The following HID1 variants were observed in gnomAD, a reference collection of about 807,000 sequenced individuals.
HID1 encodes the protein protein HID1.
HID1 carries 42 observed loss-of-function variants against 89.7 expected under a neutral mutation model. The observed-to-expected ratio is 0.47, with a 90% confidence interval of 0.37 to 0.61. HID1 has a LOEUF of 0.61. Among genes scored for constraint, HID1 ranks in the 20% least tolerant of loss-of-function variants. HID1 has a pLI of 0.00. For missense variants in HID1, 854 were observed against 1,039.3 expected, an observed-to-expected ratio of 0.82 and a Z score of 2.45; for synonymous variants, 442 against 433.8, an observed-to-expected ratio of 1.02 and a Z score of -0.24.
At chr17:74,968,469 ACACCCC>A (rs1037045827) in intron 1 of HID1, among the ~76,000 whole-genome samples, 2 of 149,428 alleles carry the variant, frequency 1.3e-5, no homozygotes, top group Non-Finnish European at 3.0e-5. Flanking sequence ...CCCAGAGCAA[ACACCCC>A]CACCCCACCC....
chr17:74,956,795 C>T lies in HID1; in HGVS notation c.1472-839G>A, dbSNP rs540970433. 6.6e-5 allele frequency among the ~76,000 whole-genome samples: 10 copies of T among 152,348 alleles called. No homozygotes were observed. In the East Asian group the frequency reaches 1.9e-3, roughly 29 times the overall value. On this transcript the variant is annotated intron_variant, in intron 12 of 18. Coordinates refer to ENST00000425042, the MANE Select transcript of HID1 (RefSeq NM_030630.3). ...CCATGGCCACCTGCCTTGCTAGGTC[C>T]TGAACCCCAGGGAGCCTGGCTCCTT... is the stretch of plus-strand genomic sequence containing the variant.
chr17:74,963,791 G>T lies in HID1; in HGVS notation c.336C>A (p.Pro112=), dbSNP rs377414295. ...TGGACCAGAAGAAGCCCCTCCAGTC[G>T]GGGTCCTCAAAGATGTAGGGCAGCA... ...TRVLPYIFED[P]DWRGFFWSTV... is the part of the protein sequence containing the mutation. Residue 112 remains proline (P), a synonymous_variant, in exon 3 of 19, where the codon CCC becomes CCA. Coordinates refer to ENST00000425042, the MANE Select transcript of HID1 (RefSeq NM_030630.3). The T allele has an allele frequency of 1.2e-4, 200 of 1,613,854 alleles. No individual in the cohort carries two copies. The highest frequency in any genetic ancestry group is 1.7e-4 in the Non-Finnish European group (196 of 1,179,962).
At chr17:74,970,564 T>C (rs1291115265) in intron 1 of HID1, 2 of 152,174 alleles carry the variant, frequency 1.3e-5, no homozygotes, top group African/African-American at 4.8e-5. Flanking sequence ...GGCTGGCTCT[T>C]AGGACCAGGG....
chr17:74,958,562 C>T lies in HID1; in HGVS notation c.1241-84G>A, dbSNP rs988110678. 17 of 1,583,128 alleles carry T rather than the reference C, an allele frequency of 1.1e-5. 1 individual carries two copies. In the African/African-American group the frequency reaches 2.2e-4, roughly 20 times the overall value. ...CAGTGACCATTTTGGAGGCCTCCCT[C>T]CTAGGAGGTCAGAGTGCCAGGCCTG... On this transcript the variant is annotated intron_variant, in intron 10 of 18. Coordinates refer to ENST00000425042, the MANE Select transcript of HID1 (RefSeq NM_030630.3). This position sits in a 1 kb window ranked among gnomAD's most constrained non-coding sequence, Gnocchi z 5.2.
At position 74,958,304 on chromosome 17, in the gene HID1, C is replaced by T; in HGVS notation, c.1392+23G>A. 1 of 1,611,348 alleles carries T rather than the reference C, an allele frequency of 6.2e-7. No homozygotes were observed. Among genetic ancestry groups the T allele is most frequent in the Non-Finnish European group, 8.5e-7 (1 of 1,178,906 alleles). On this transcript the variant is annotated intron_variant, in intron 11 of 18. Transcript: ENST00000425042. This position sits in a 1 kb window ranked among gnomAD's most constrained non-coding sequence, Gnocchi z 5.2. ...GGACACCACCCCTGCACCTCCTGGG[C>T]CCGGCCGCACGAGCCCCCTCACCAC...
At position 74,958,853 on chromosome 17, in the gene HID1, C is replaced by G; in HGVS notation, c.1149+58G>C. 1 of 1,581,686 alleles carries G rather than the reference C, an allele frequency of 6.3e-7. No individual in the cohort carries two copies. The highest frequency in any genetic ancestry group is 8.6e-7 in the Non-Finnish European group (1 of 1,162,774). On this transcript the variant is annotated intron_variant, in intron 9 of 18. Transcript: ENST00000425042. The surrounding 1 kb of genome is among the most constrained non-coding windows in gnomAD (Gnocchi z 5.2). Reference sequence around the variant, plus strand: ...CTCAGTCTGACACTGTCCCTGCCCCCGGGTTATTGGGGCAGCTGCTCTCCA... The same window carrying G: ...CTCAGTCTGACACTGTCCCTGCCCCGGGGTTATTGGGGCAGCTGCTCTCCA...
chr17:74,954,647 C>A lies in HID1; in HGVS notation c.1637-282G>T. The A allele has an allele frequency of 1.2e-5, 6 of 516,460 alleles. No homozygotes were observed. The South Asian group carries it at 1.3e-4, about 11-fold the overall frequency. The allele number at this position is 516,460 out of a possible 1,614,324, so 32.0% of individuals were successfully genotyped here. On this transcript the variant is annotated intron_variant, in intron 13 of 18. Coordinates refer to ENST00000425042, the MANE Select transcript of HID1 (RefSeq NM_030630.3). ...ACAACCCAGCACTAAACAGCTAACA[C>A]CTGGCAAAAAGTACAGGCCCCAGCA...
rs758989034 is a variant in HID1, at chr17:74,958,707, G to A, written c.1206C>T (p.Ile402=). ...SSDVLDILVP[I]LFFLNDARAD... ...CCCGGGCATCGTTGAGGAAGAAGAG[G>A]ATGGGGACAAGGATGTCTAGGACGT... Residue 402 remains isoleucine (I), a synonymous_variant, in exon 10 of 19, where the codon ATC becomes ATT. Transcript: ENST00000425042. This position sits in a 1 kb window ranked among gnomAD's most constrained non-coding sequence, Gnocchi z 5.2. 2 of 1,612,970 alleles carry A rather than the reference G, an allele frequency of 1.2e-6. No homozygotes were observed. The highest frequency in any genetic ancestry group is 2.2e-5 in the South Asian group (2 of 91,002).
Position 74,966,443 on chromosome 17 carries a change from T to C in HID1, c.67-1811A>G, listed in dbSNP as rs140006563. ...ATGTTCATCTGTTAAGGGACCAGAG[T>C]GTCCAAGGCACGCGCACCTCCTCGG... On this transcript the variant is annotated intron_variant, in intron 1 of 18. Coordinates refer to ENST00000425042, the MANE Select transcript of HID1 (RefSeq NM_030630.3). 9.2e-5 allele frequency among the ~76,000 whole-genome samples: 14 copies of C among 152,046 alleles called. 1 individual carries two copies. The East Asian group carries it at 2.7e-3, about 29-fold the overall frequency.
rs2039665146 is a variant in HID1 at position 74,972,523 on chromosome 17, G to A, written c.66+68C>T. ...CCATCTCCCGACGAGCCAAGTTCGC[G>A]TACCCCCGGCCCTGCCCAGCCCCCA... On this transcript the variant is annotated intron_variant, in intron 1 of 18. Coordinates refer to ENST00000425042, the MANE Select transcript of HID1 (RefSeq NM_030630.3). This position sits in a 1 kb window ranked among gnomAD's most constrained non-coding sequence, Gnocchi z 6.4. The A allele has an allele frequency of 2.8e-6, 4 of 1,420,070 alleles. No homozygotes were observed. The highest frequency in any genetic ancestry group is 1.5e-5 in the African/African-American group (1 of 68,924). 88.0% of individuals were successfully genotyped at this position (1,420,070 alleles called of 1,614,324 possible). A position where few individuals can be genotyped will look rare whatever the true frequency, so the allele number is the denominator to read the frequency against.
chr17:74,958,101 C>A lies in HID1; in HGVS notation c.1471+40G>T. The A allele has an allele frequency of 6.4e-7, 1 of 1,557,776 alleles. No homozygotes were observed. The highest frequency in any genetic ancestry group is 2.4e-5 in the East Asian group (1 of 42,056). On this transcript the variant is annotated intron_variant, in intron 12 of 18. Transcript: ENST00000425042. This position sits in a 1 kb window ranked among gnomAD's most constrained non-coding sequence, Gnocchi z 5.2. ...AGGTTGGCCTGTGGCCTGACACCACCTGGTGGTGAGCGCGGGGAGTGCAAG... is the reference window on the plus strand; with the variant it reads ...AGGTTGGCCTGTGGCCTGACACCACATGGTGGTGAGCGCGGGGAGTGCAAG...
intron 13 of HID1, among the ~76,000 whole-genome samples, chr17:74,955,314 G>T (rs2039372263): frequency 6.6e-6 from 1 of 152,156 alleles, no homozygotes; most frequent in African/African-American, 2.4e-5. Context: ...GGAGGCCGAG[G>T]CAGGCAGATT....
At chr17:74,963,278 G>A in intron 3 of HID1, 197 bp from the exon 4 acceptor site, 1 of 553,626 alleles carries the variant, frequency 1.8e-6, no homozygotes, top group Non-Finnish European at 3.2e-6. Flanking sequence ...AGCCGGGCCG[G>A]GAACAGCGAG....
chr17:74,961,417 G>A (rs1005508231), intron 6 of HID1, among the ~76,000 whole-genome samples: 8 of 151,864 alleles, frequency 5.3e-5, no homozygotes, highest in South Asian at 2.1e-4. Flanking sequence ...ACAGGCACCC[G>A]CCACCAAGCC....
In HID1 at chr17:74,952,055, G is replaced by T; in HGVS notation, c.2153C>A (p.Thr718Lys). Reference sequence around the variant, plus strand: ...GAACCGCAGGATCTCAGACTCATCCGTCAGGCCCCTGCGGGGAGAGGGGTA... The same window carrying T: ...GAACCGCAGGATCTCAGACTCATCCTTCAGGCCCCTGCGGGGAGAGGGGTA... ...VEKICIDKGL[T>K]DESEILRFLQ... The change falls in exon 18 of 19, where the codon ACG (threonine) becomes AAG (lysine). Residue 718 changes from threonine (T) to lysine (K), a missense_variant. Physicochemically the swap from Thr to Lys is moderately conservative, Grantham distance 78 (BLOSUM62 -1). Transcript: ENST00000425042. 1 of 1,556,990 alleles carries T rather than the reference G, an allele frequency of 6.4e-7. No individual in the cohort carries two copies. The highest frequency in any genetic ancestry group is 2.4e-5 in the East Asian group (1 of 42,010).
chr17:74,966,283 C>CAAAAAA (rs34312915), intron 1 of HID1, among the ~76,000 whole-genome samples: 1 of 70,950 alleles, frequency 1.4e-5, no homozygotes, highest in Non-Finnish European at 2.6e-5. Flanking sequence ...GACTCTGTCT[C>CAAAAAA]AAAAAAAAAA....
At chr17:74,966,886 A>G (rs564795160) in intron 1 of HID1, among the ~76,000 whole-genome samples, 2 of 152,280 alleles carry the variant, frequency 1.3e-5, no homozygotes, top group Admixed American at 1.3e-4. Flanking sequence ...TCAAGGCTGC[A>G]GTAAGCTGTG....
chr17:74,963,645 C>T lies in HID1; in HGVS notation c.387+95G>A, dbSNP rs2039517943. On this transcript the variant is annotated intron_variant, in intron 3 of 18. Coordinates refer to ENST00000425042, the MANE Select transcript of HID1 (RefSeq NM_030630.3). Reference sequence around the variant, plus strand: ...CCCCACCCCTGTACTTCCCAAATCCCAGAAGAGGCTTGGAGGAGCATGGCC... The same window carrying T: ...CCCCACCCCTGTACTTCCCAAATCCTAGAAGAGGCTTGGAGGAGCATGGCC... 1.9e-5 allele frequency: 24 copies of T among 1,281,924 alleles called. No homozygotes were observed. The South Asian group carries it at 3.6e-4, about 19-fold the overall frequency. 79.4% of individuals were successfully genotyped at this position (1,281,924 alleles called of 1,614,324 possible). A position where few individuals can be genotyped will look rare whatever the true frequency, so the allele number is the denominator to read the frequency against.
At position 74,972,576 on chromosome 17, in the gene HID1, G is replaced by C; in HGVS notation, c.66+15C>G. 1.3e-6 allele frequency: 2 copies of C among 1,541,188 alleles called. No individual in the cohort carries two copies. The highest frequency in any genetic ancestry group is 2.5e-5 in the East Asian group (1 of 40,044). On this transcript the variant is annotated intron_variant, in intron 1 of 18. Transcript: ENST00000425042. The surrounding 1 kb of genome is among the most constrained non-coding windows in gnomAD (Gnocchi z 6.4). The stretch of plus-strand genomic sequence containing the variant: ...CCGGCAGGTGGATGGGGACGCCGGG[G>C]CCCCCGTGGCGCACCTGCGTCTTGG...
Sources: gnomAD v4.1 joint callset for allele counts (sites outside exome capture counted in the v4.1 genomes callset) on GRCh38, gnomAD v4.1.1 for gene constraint, Gnocchi (gnomAD v3.1) non-coding constraint, MANE v1.5 for transcripts, NCBI Gene and HGNC (gene_info 2026-07-23, HGNC 2026-07-21) for gene names.